LRRC4B: variants seen among roughly 807,000 people sequenced by gnomAD.
LRRC4B encodes the protein leucine-rich repeat-containing protein 4B.
LRRC4B carries 1 observed loss-of-function variant against 7.3 expected under a neutral mutation model. The observed-to-expected ratio is 0.14, with a 90% CI of 0.05 to 0.65. The LOEUF is 0.65. Ranked by LOEUF, LRRC4B falls within the 30% of genes least tolerant of loss-of-function variation. The probability of loss-of-function intolerance (pLI) is 0.84; values close to 1 mark genes in which losing one functional copy is unlikely to be tolerated. For synonymous variants in LRRC4B, 500 were observed against 499.2 expected (o/e 1.00, Z -0.02); for missense variants, 730 against 1,041.6 (o/e 0.70, Z 4.12).
chr19:50,535,541 GTGT>G (rs1257755623), intron 2 of LRRC4B, among the ~76,000 whole-genome samples: 5 of 152,176 alleles, frequency 3.3e-5, no homozygotes, highest in African/African-American at 1.2e-4. Flanking sequence ...TTGTGTGTGT[GTGT>G]TAATTTTTTT....
intron 2 of LRRC4B, among the ~76,000 whole-genome samples, chr19:50,540,636 G>A (rs1294162963): frequency 6.6e-6 from 1 of 151,898 alleles, no homozygotes; most frequent in African/African-American, 2.4e-5. Flanking sequence ...GGTTACAGGC[G>A]TGAGGCACCA....
chr19:50,544,367 T>A (rs1386144087), intron 2 of LRRC4B, among the ~76,000 whole-genome samples: 1 of 150,200 alleles, frequency 6.7e-6, no homozygotes, highest in Non-Finnish European at 1.5e-5. Context: ...ATTAGCTGGG[T>A]GTGGTGGCGG....
At chr19:50,541,556 GT>G (rs1238330835) in intron 2 of LRRC4B, among the ~76,000 whole-genome samples, 2 of 151,984 alleles carry the variant, frequency 1.3e-5, no homozygotes, top group African/African-American at 2.4e-5. Context: ...CTAAACGTTG[GT>G]AGTCGGGCCA....
intron 2 of LRRC4B, among the ~76,000 whole-genome samples, chr19:50,545,225 T>C (rs969975167): frequency 4.0e-5 from 6 of 149,326 alleles, no homozygotes; most frequent in Admixed American, 4.0e-4. Flanking sequence ...CTGACCAACA[T>C]GGAGAAACCC....
At chr19:50,558,893 T>G (rs1391833266) in intron 1 of LRRC4B, among the ~76,000 whole-genome samples, 1 of 152,058 alleles carries the variant, frequency 6.6e-6, no homozygotes, top group Non-Finnish European at 1.5e-5. Flanking sequence ...GCTGGAGAAA[T>G]GGAATGTTAT....
At chr19:50,567,419 T>C (rs1223666782) in intron 1 of LRRC4B, among the ~76,000 whole-genome samples, 1 of 151,438 alleles carries the variant, frequency 6.6e-6, no homozygotes, top group African/African-American at 2.4e-5. Flanking sequence ...TCCCCGGTTC[T>C]CCCCGGTTGC....
At chr19:50,530,658 C>T (rs978235318) in intron 2 of LRRC4B, among the ~76,000 whole-genome samples, 40 of 152,092 alleles carry the variant, frequency 2.6e-4, no homozygotes, top group African/African-American at 9.2e-4. Context: ...AGACTCACTC[C>T]GCTCAGGGCT....
rs1982173687 is a variant in LRRC4B, at chr19:50,553,593, C to A, written c.-35-4720G>T. ...CTTCTCAGTGAGGCCGTCCTGACCG[C>A]CCCGCATCAAACAGCACCCCTATCC... On this transcript the variant is annotated intron_variant, in intron 1 of 2. Transcript: ENST00000652263. This position sits in a 1 kb window ranked among gnomAD's most constrained non-coding sequence, Gnocchi z 4.2. 6.6e-6 allele frequency among the ~76,000 whole-genome samples: 1 copy of A among 152,232 alleles called. No individual in the cohort carries two copies. The highest frequency in any genetic ancestry group is 2.1e-4 in the South Asian group (1 of 4,830).
At chr19:50,540,049 G>C (rs1981475057) in intron 2 of LRRC4B, among the ~76,000 whole-genome samples, 1 of 152,136 alleles carries the variant, frequency 6.6e-6, no homozygotes, top group Non-Finnish European at 1.5e-5. Flanking sequence ...TATTGCTTAA[G>C]TTTTAAAAGT....
At chr19:50,550,831 G>T (rs1982024612) in intron 1 of LRRC4B, 1 of 152,300 alleles carries the variant, frequency 6.6e-6, no homozygotes, top group Non-Finnish European at 1.5e-5. Flanking sequence ...TCCTGAATGT[G>T]AACAGGGAGG....
chr19:50,551,483 CCCGACCGCAGCCTCCTTTCTCTCCACCCA>C (rs1982062827), intron 1 of LRRC4B, among the ~76,000 whole-genome samples: 1 of 146,654 alleles, frequency 6.8e-6, no homozygotes, highest in Non-Finnish European at 1.5e-5. Flanking sequence ...TCGACTCTCC[CCCGACCGCAGCCTCCTTTCTCTCCACCCA>C]CCGACCCCAG....
In LRRC4B at chr19:50,537,131, C is replaced by T. The variant is rs949767857; in HGVS notation, c.297+11411G>A. 3.9e-5 allele frequency among the ~76,000 whole-genome samples: 6 copies of T among 152,212 alleles called. No individual in the cohort carries two copies. The highest frequency in any genetic ancestry group is 2.1e-4 in the South Asian group (1 of 4,818). ...CTGAGACTGAGTCACCAGGGTGCAG[C>T]GCCAGGGATAGCTACGAATTAGGAA... is the stretch of plus-strand genomic sequence containing the variant. On this transcript the variant is annotated intron_variant, in intron 2 of 2. Transcript: ENST00000652263. The surrounding 1 kb of genome is among the most constrained non-coding windows in gnomAD (Gnocchi z 5.5).
At chr19:50,560,532 T>C (rs1982428491) in intron 1 of LRRC4B, among the ~76,000 whole-genome samples, 1 of 152,240 alleles carries the variant, frequency 6.6e-6, no homozygotes. Context: ...TCAGTGAACT[T>C]ATTCCAGGAT....
chr19:50,544,463 C>T lies in LRRC4B; in HGVS notation c.297+4079G>A, dbSNP rs547668867. ...CGGAGCTTGCAGTGAGCCGAGATCA[C>T]GCCACTGCACTCCAGCCTGGGCGAC... On this transcript the variant is annotated intron_variant, in intron 2 of 2. Coordinates refer to ENST00000652263, the MANE Select transcript of LRRC4B (RefSeq NM_001080457.2). Among the ~76,000 whole-genome samples the T allele has an allele frequency of 3.8e-3, 573 of 150,664 alleles. 1 individual carries two copies. The highest frequency in any genetic ancestry group is 7.3e-3 in the Non-Finnish European group (495 of 67,694).
At chr19:50,520,185 A>G (rs1003524765) in intron 2 of LRRC4B, among the ~76,000 whole-genome samples, 2 of 117,820 alleles carry the variant, frequency 1.7e-5, no homozygotes, top group Non-Finnish European at 3.3e-5. Context: ...CAGCCTGGGC[A>G]ATGAAGTAAT....
chr19:50,530,409 G>A (rs754256649), intron 2 of LRRC4B, among the ~76,000 whole-genome samples: 5 of 152,112 alleles, frequency 3.3e-5, no homozygotes, highest in South Asian at 2.1e-4. Flanking sequence ...CCCTCTCGCC[G>A]GGCACTCCAC....
chr19:50,538,323 G>A (rs1334637739), intron 2 of LRRC4B, among the ~76,000 whole-genome samples: 3 of 151,790 alleles, frequency 2.0e-5, no homozygotes, highest in Non-Finnish European at 4.4e-5. Context: ...TCGGCCTCCC[G>A]AAGTGGTGGG....
rs192801738 is a variant in LRRC4B, at chr19:50,560,083, C to A, written c.-36+7861G>T. On this transcript the variant is annotated intron_variant, in intron 1 of 2. Transcript: ENST00000652263. ...CTGGGAGGCGGAGGTTGCAGTGAGCCGAGATCGCACCACTGTACTCCAGCC... is the reference window on the plus strand; with the variant it reads ...CTGGGAGGCGGAGGTTGCAGTGAGCAGAGATCGCACCACTGTACTCCAGCC... Among the ~76,000 whole-genome samples the A allele has an allele frequency of 1.4e-4, 21 of 152,154 alleles. No individual in the cohort carries two copies. In the South Asian group the frequency reaches 3.9e-3, roughly 29 times the overall value.
intron 2 of LRRC4B, among the ~76,000 whole-genome samples, chr19:50,532,939 T>C (rs1252477187): frequency 1.3e-5 from 2 of 152,206 alleles, no homozygotes; most frequent in Non-Finnish European, 2.9e-5. Flanking sequence ...TTGACATCAA[T>C]ATGACAGAAC....
Sources: allele counts gnomAD v4.1 joint callset (sites outside exome capture counted in the v4.1 genomes callset), GRCh38; gene constraint gnomAD v4.1.1; non-coding constraint Gnocchi (gnomAD v3.1); transcripts MANE v1.5; gene names NCBI Gene and HGNC (gene_info 2026-07-23, HGNC 2026-07-21).